The following TBC1D5 variants were observed in gnomAD, a reference collection of about 807,000 sequenced individuals.
TBC1D5 encodes the protein TBC1 domain family, member 5.
A neutral mutation model predicts 100.3 loss-of-function variants in TBC1D5; 75 were observed. The observed-to-expected ratio is 0.75, with a 90% confidence interval of 0.62 to 0.91. The LOEUF (loss-of-function observed/expected upper bound fraction) is 0.91, where lower values mean the gene tolerates loss of function less well. Ranked by LOEUF, TBC1D5 falls within the 40% of genes least tolerant of loss-of-function variation. The probability of loss-of-function intolerance (pLI) is 0.00; values close to 1 mark genes in which losing one functional copy is unlikely to be tolerated. For synonymous variants in TBC1D5, 323 were observed against 325.6 expected, an observed-to-expected ratio of 0.99 and a Z score of 0.09; for missense variants, 910 against 942.4, an observed-to-expected ratio of 0.97 and a Z score of 0.45.
chr3:17,377,479 TA>T (rs2092755670), intron 9 of TBC1D5, among the ~76,000 whole-genome samples: 1 of 152,210 alleles, frequency 6.6e-6, no homozygotes, highest in Non-Finnish European at 1.5e-5. Context: ...AAACAGATTA[TA>T]ATCTTTCCTG....
intron 3 of TBC1D5, among the ~76,000 whole-genome samples, chr3:17,487,714 G>T (rs1018829380): frequency 3.9e-5 from 6 of 152,148 alleles, no homozygotes; most frequent in African/African-American, 1.4e-4. Context: ...GCATGTGTTT[G>T]TATTAAACTA....
intron 1 of TBC1D5, among the ~76,000 whole-genome samples, chr3:17,686,659 T>C (rs930376800): frequency 1.9e-4 from 29 of 152,292 alleles, no homozygotes; most frequent in African/African-American, 6.0e-4. Context: ...TTCATTAAGC[T>C]ATAGAGCCCT....
intron 4 of TBC1D5, among the ~76,000 whole-genome samples, chr3:17,412,740 T>C (rs950408592): frequency 1.3e-5 from 2 of 152,130 alleles, no homozygotes; most frequent in African/African-American, 4.8e-5. Flanking sequence ...AACCCCTCTT[T>C]ATGAATGAGG....
chr3:17,224,016 T>C lies in TBC1D5; in HGVS notation c.1589-9646A>G, dbSNP rs76660204. Among the ~76,000 whole-genome samples, 1,044 of 152,360 alleles carry C rather than the reference T, an allele frequency of 6.9e-3. 7 individuals carry two copies. The highest frequency in any genetic ancestry group is 0.012 in the Non-Finnish European group (826 of 68,034). On this transcript the variant is annotated intron_variant, in intron 17 of 21. Coordinates refer to ENST00000253692, the Ensembl canonical transcript of TBC1D5. ...CTGCAGAATGACTCCAAGGAATTAT[T>C]ATTTCAAAATGACAAAAAAAGTTTT... is the stretch of plus-strand genomic sequence containing the variant.
chr3:17,579,989 T>C (rs1026703668), intron 2 of TBC1D5, among the ~76,000 whole-genome samples: 2 of 152,120 alleles, frequency 1.3e-5, no homozygotes, highest in African/African-American at 4.8e-5. Context: ...AGGAGAAATA[T>C]GAATCATAAA....
intron 3 of TBC1D5, among the ~76,000 whole-genome samples, chr3:17,450,428 A>C (rs2094899015): frequency 6.6e-6 from 1 of 152,172 alleles, no homozygotes; most frequent in Non-Finnish European, 1.5e-5. Flanking sequence ...GGTAACAACA[A>C]ACTCCTCCGA....
chr3:17,547,824 T>C (rs546724076), intron 2 of TBC1D5, among the ~76,000 whole-genome samples: 1 of 152,332 alleles, frequency 6.6e-6, no homozygotes, highest in African/African-American at 2.4e-5. Context: ...CAATGAGACA[T>C]CTATGAAATC....
intron 17 of TBC1D5, among the ~76,000 whole-genome samples, chr3:17,228,965 C>T (rs924554942): frequency 6.6e-6 from 1 of 151,996 alleles, no homozygotes; most frequent in African/African-American, 2.4e-5. Context: ...CCTACCATGT[C>T]CCATGAATAA....
At chr3:17,359,783 A>G (rs1191161758) in intron 13 of TBC1D5, among the ~76,000 whole-genome samples, 1 of 152,044 alleles carries the variant, frequency 6.6e-6, no homozygotes, top group Non-Finnish European at 1.5e-5. Flanking sequence ...ATGGCAATAG[A>G]AAAGAGCTTA....
chr3:17,286,814 G>A (rs1434566053), intron 15 of TBC1D5, among the ~76,000 whole-genome samples: 1 of 152,132 alleles, frequency 6.6e-6, no homozygotes, highest in Non-Finnish European at 1.5e-5. Flanking sequence ...GAGGATGGGG[G>A]TTCAATTGCT....
At chr3:17,245,532 T>C (rs566209471) in intron 16 of TBC1D5, among the ~76,000 whole-genome samples, 8 of 152,332 alleles carry the variant, frequency 5.3e-5, no homozygotes, top group African/African-American at 1.9e-4. Context: ...CTTTCGTCTA[T>C]ATGATGAGCA....
intron 18 of TBC1D5, among the ~76,000 whole-genome samples, chr3:17,206,664 T>C (rs1388564505): frequency 1.3e-5 from 2 of 152,192 alleles, no homozygotes; most frequent in Non-Finnish European, 2.9e-5. Flanking sequence ...CCTGTAGTGC[T>C]GTGAGCCTTC....
At chr3:17,492,464 C>A (rs764640779) in intron 3 of TBC1D5, among the ~76,000 whole-genome samples, 5 of 151,540 alleles carry the variant, frequency 3.3e-5, no homozygotes, top group Non-Finnish European at 5.9e-5. Context: ...GAGACAGAGT[C>A]TCCTCTGTCA....
At chr3:17,374,248 T>C (rs192354618) in intron 12 of TBC1D5, among the ~76,000 whole-genome samples, 99 of 152,230 alleles carry the variant, frequency 6.5e-4, no homozygotes, top group Non-Finnish European at 1.3e-3. Flanking sequence ...TATACACACA[T>C]ATAAAATGTA....
chr3:17,703,591 T>C (rs2073512197), intron 1 of TBC1D5, among the ~76,000 whole-genome samples: 1 of 152,272 alleles, frequency 6.6e-6, no homozygotes, highest in South Asian at 2.1e-4. Context: ...AGTTGAACTC[T>C]AAATCTGTCA....
exon 14 of TBC1D5, chr3:17,308,042 C>T (rs766097182): frequency 5.6e-6 from 9 of 1,610,320 alleles, no homozygotes; most frequent in Middle Eastern, 1.7e-4. Flanking sequence ...ATCTACTAAA[C>T]CCAGGCTGAG....
intron 5 of TBC1D5, among the ~76,000 whole-genome samples, chr3:17,405,199 G>A (rs919109996): frequency 2.0e-5 from 3 of 151,898 alleles, no homozygotes; most frequent in African/African-American, 7.2e-5. Context: ...CCACAAAATA[G>A]AATCAAGCTC....
intron 2 of TBC1D5, among the ~76,000 whole-genome samples, chr3:17,562,359 T>A (rs1274829417): frequency 2.0e-5 from 3 of 152,020 alleles, no homozygotes; most frequent in African/African-American, 7.2e-5. Flanking sequence ...AGAGAGATTT[T>A]ACCCAACCCA....
exon 22 of TBC1D5, chr3:17,160,944 G>T: frequency 6.2e-7 from 1 of 1,604,932 alleles, no homozygotes; most frequent in Non-Finnish European, 8.5e-7. Flanking sequence ...TCCCTGTGGG[G>T]CAGGACTGGG....
Sources: gnomAD v4.1 joint callset for allele counts (sites outside exome capture counted in the v4.1 genomes callset) on GRCh38, gnomAD v4.1.1 for gene constraint, MANE v1.5 for transcripts, NCBI Gene and HGNC (gene_info 2026-07-23, HGNC 2026-07-21) for gene names.